Variants in ZNF644 observed in about 807,000 individuals in gnomAD.
ZNF644 encodes zinc finger motif enhancer binding protein 2.
Under a neutral mutation model 108.0 loss-of-function variants are expected in ZNF644, and 20 were observed. The ratio of observed to expected loss-of-function variants is 0.19; its 90% CI spans 0.13 to 0.27. The LOEUF is 0.27. ZNF644 is among the 10% of genes least tolerant of loss of function. The pLI, the probability that ZNF644 is intolerant of heterozygous loss-of-function variation, is 1.00. For synonymous variants in ZNF644, 542 were observed against 539.1 expected (o/e 1.01, Z -0.08); for missense variants, 1,338 against 1,548.9 (o/e 0.86, Z 2.29).
In ZNF644 at chr1:90,938,199, C is replaced by A. The variant is rs1404443493; in HGVS notation, c.3082+73G>T. On this transcript the variant is annotated intron_variant, in intron 3 of 5. Transcript: ENST00000337393. This position sits in a 1 kb window ranked among gnomAD's most constrained non-coding sequence, Gnocchi z 4.2. Reference sequence around the variant, plus strand: ...TTATGATTCTAATAAAGACTAAATTCAAAAAAAACTTTTAAATCTTCAGAA... The same window carrying A: ...TTATGATTCTAATAAAGACTAAATTAAAAAAAAACTTTTAAATCTTCAGAA... 1 of 1,609,484 alleles carries A rather than the reference C, an allele frequency of 6.2e-7. No homozygotes were observed. The highest frequency in any genetic ancestry group is 2.2e-5 in the East Asian group (1 of 44,840).
At chr1:90,987,891 A>G (rs945334450) in intron 1 of ZNF644, among the ~76,000 whole-genome samples, 2 of 152,114 alleles carry the variant, frequency 1.3e-5, no homozygotes, top group African/African-American at 4.8e-5. Flanking sequence ...AAAACAAAAT[A>G]GAAATAGAAG....
intron 2 of ZNF644, among the ~76,000 whole-genome samples, chr1:90,946,232 A>G (rs1260545939): frequency 6.6e-6 from 1 of 152,142 alleles, no homozygotes; most frequent in Admixed American, 6.5e-5. Context: ...GCACACTTCA[A>G]GAGAAGACAG....
chr1:90,960,374 A>G (rs1654213376), intron 2 of ZNF644, among the ~76,000 whole-genome samples: 1 of 152,162 alleles, frequency 6.6e-6, no homozygotes. Context: ...TAAAACAGAA[A>G]AGGCATTAAA....
chr1:90,919,130 C>G (rs1484998403), intron 4 of ZNF644, among the ~76,000 whole-genome samples: 1 of 152,052 alleles, frequency 6.6e-6, no homozygotes, highest in African/African-American at 2.4e-5. Flanking sequence ...TAGCACATAA[C>G]ATTTTATAGG....
intron 1 of ZNF644, among the ~76,000 whole-genome samples, chr1:91,008,995 T>G (rs1240398595): frequency 6.6e-6 from 1 of 152,094 alleles, no homozygotes; most frequent in East Asian, 1.9e-4. Flanking sequence ...TCACAGCACT[T>G]TGGGAGGCCA....
intron 1 of ZNF644, among the ~76,000 whole-genome samples, chr1:90,994,176 A>G (rs926612331): frequency 2.0e-5 from 3 of 152,238 alleles, no homozygotes; most frequent in Non-Finnish European, 4.4e-5. Context: ...TGTAGGTTAG[A>G]GCAGCCAGTG....
chr1:90,985,431 C>T (rs1252586092), intron 1 of ZNF644, among the ~76,000 whole-genome samples: 3 of 152,062 alleles, frequency 2.0e-5, no homozygotes, highest in African/African-American at 7.2e-5. Flanking sequence ...AAACTTTGTA[C>T]CATTTGATCA....
intron 2 of ZNF644, among the ~76,000 whole-genome samples, chr1:90,955,886 C>A (rs1653703307): frequency 6.6e-6 from 1 of 152,218 alleles, no homozygotes; most frequent in African/African-American, 2.4e-5. Flanking sequence ...CGGCAAGAGG[C>A]CTACCTTTTG....
intron 1 of ZNF644, among the ~76,000 whole-genome samples, chr1:90,999,453 G>A (rs902083179): frequency 1.3e-5 from 2 of 152,172 alleles, no homozygotes; most frequent in East Asian, 3.8e-4. Flanking sequence ...AGCTTCATAA[G>A]TGAAGGAGAA....
intron 4 of ZNF644, among the ~76,000 whole-genome samples, chr1:90,935,753 T>A (rs1398127704): frequency 6.6e-6 from 1 of 152,236 alleles, no homozygotes; most frequent in Non-Finnish European, 1.5e-5. Context: ...AGGAGTGACT[T>A]GAACCTTTGA....
intron 2 of ZNF644, among the ~76,000 whole-genome samples, chr1:90,955,945 T>A (rs2101083852): frequency 6.6e-6 from 1 of 152,330 alleles, no homozygotes; most frequent in East Asian, 1.9e-4. Flanking sequence ...TAATTCTAGG[T>A]TTTGATTTAA....
At position 90,973,516 on chromosome 1, in the gene ZNF644, A is replaced by T. The variant is rs79373420; in HGVS notation, c.44+8794T>A. Among the ~76,000 whole-genome samples the T allele has an allele frequency of 6.6e-3, 1,008 of 152,276 alleles. 31 individuals carry two copies. The highest frequency in any genetic ancestry group is 0.045 in the Admixed American group (681 of 15,298). On this transcript the variant is annotated intron_variant, in intron 2 of 5. Transcript: ENST00000337393. ...TTGAGTTAATATTGAAAAAGTACTT[A>T]TAACAGTGCCTGGCAGATAGTAAGC... is the stretch of plus-strand genomic sequence containing the variant.
chr1:90,958,232 TAAAAAAAAAAAAA>T (rs777224217), intron 2 of ZNF644, among the ~76,000 whole-genome samples: 3 of 41,400 alleles, frequency 7.2e-5, no homozygotes, highest in East Asian at 7.8e-4. Flanking sequence ...GCAAAACTCC[TAAAAAAAAAAAAA>T]AAAAAAAAAA....
At chr1:90,927,907 G>C (rs1650238858) in intron 4 of ZNF644, among the ~76,000 whole-genome samples, 1 of 148,830 alleles carries the variant, frequency 6.7e-6, no homozygotes, top group South Asian at 2.2e-4. Context: ...GCAACAGCAT[G>C]ATCTCAGCTC....
intron 2 of ZNF644, among the ~76,000 whole-genome samples, chr1:90,959,701 C>A (rs1654129127): frequency 6.6e-6 from 1 of 151,874 alleles, no homozygotes; most frequent in Non-Finnish European, 1.5e-5. Flanking sequence ...GTTACTTTAC[C>A]AGGTGATGGA....
chr1:90,978,313 T>C (rs1235392723), intron 2 of ZNF644, among the ~76,000 whole-genome samples: 3 of 150,816 alleles, frequency 2.0e-5, no homozygotes, highest in Non-Finnish European at 2.9e-5. Context: ...AATAGTGCCA[T>C]TGCACTCCAG....
intron 2 of ZNF644, among the ~76,000 whole-genome samples, chr1:90,958,181 A>T (rs1039805072): frequency 1.3e-4 from 20 of 149,460 alleles, no homozygotes; most frequent in Non-Finnish European, 2.5e-4. Flanking sequence ...GGTTGCAGTA[A>T]GCTGAAATCG....
chr1:90,938,013 A>T lies in ZNF644; in HGVS notation c.3160T>A (p.Ser1054Thr). The change falls in exon 4 of 6, where the codon TCA becomes ACA. Residue 1054 changes from serine to threonine, a missense_variant. Coordinates refer to ENST00000337393, the MANE Select transcript of ZNF644 (RefSeq NM_201269.3). The surrounding 1 kb of genome is among the most constrained non-coding windows in gnomAD (Gnocchi z 4.2). Reference protein sequence around the residue: ...GGWFDTKIGLSNHVRGHLKRL... With the variant: ...GGWFDTKIGLTNHVRGHLKRL... ...TTCAAGTGGCCTCTAACATGATTTG[A>T]TAATCCAATTTTAGTATCAAACCAA... 6.2e-7 allele frequency: 1 copy of T among 1,611,176 alleles called. No individual in the cohort carries two copies. Among genetic ancestry groups the T allele is most frequent in the Non-Finnish European group, 8.5e-7 (1 of 1,179,816 alleles).
chr1:90,944,769 A>G (rs912218328), intron 2 of ZNF644, among the ~76,000 whole-genome samples: 1 of 151,892 alleles, frequency 6.6e-6, no homozygotes, highest in African/African-American at 2.4e-5. Context: ...TTTTGTGGGT[A>G]CTTATTTTAG....
Sources: gnomAD v4.1 joint callset for allele counts (sites outside exome capture counted in the v4.1 genomes callset) on GRCh38, gnomAD v4.1.1 for gene constraint, Gnocchi (gnomAD v3.1) non-coding constraint, MANE v1.5 for transcripts, NCBI Gene and HGNC (gene_info 2026-07-23, HGNC 2026-07-21) for gene names.